DCDC1: variants seen among roughly 807,000 people sequenced by gnomAD.
DCDC1 encodes the protein doublecortin domain-containing protein 1.
DCDC1 carries 200 observed loss-of-function variants against 178.3 expected under a neutral mutation model. That is an observed-to-expected ratio of 1.12 (90% CI 1.00 to 1.26). The LOEUF is 1.26. Among genes scored for constraint, DCDC1 ranks in the 50% most tolerant of loss-of-function variants. The pLI, the probability that DCDC1 is intolerant of heterozygous loss-of-function variation, is 0.00. For missense variants in DCDC1, 1,983 were observed against 1,749.2 expected (o/e 1.13, Z -2.38); for synonymous variants, 690 against 604.8 (o/e 1.14, Z -2.07).
intron 3 of DCDC1, among the ~76,000 whole-genome samples, chr11:31,310,308 A>ATTTTTTTTTTTTTTTTTTTTTT (rs11407483): frequency 1.9e-5 from 1 of 53,862 alleles, no homozygotes; most frequent in African/African-American, 8.5e-5. Flanking sequence ...GTAATTCTTG[A>ATTTTTTTTTTTTTTTTTTTTTT]TTTTTTTTTT....
intron 9 of DCDC1, among the ~76,000 whole-genome samples, chr11:31,176,927 A>G (rs1184340685): frequency 3.3e-5 from 5 of 152,202 alleles, no homozygotes; most frequent in Non-Finnish European, 5.9e-5. Context: ...AAACAAAAGA[A>G]CAATAATTAC....
chr11:31,297,369 AT>A (rs919348542), intron 6 of DCDC1, among the ~76,000 whole-genome samples: 1 of 150,272 alleles, frequency 6.7e-6, no homozygotes, highest in Non-Finnish European at 1.5e-5. Flanking sequence ...TTTTTTTTTA[AT>A]TTTTTTTGAG....
At position 31,137,490 on chromosome 11, in the gene DCDC1, C is replaced by G. The variant is rs1963289282; in HGVS notation, c.1314+202G>C. Among the ~76,000 whole-genome samples, 4 of 151,994 alleles carry G rather than the reference C, an allele frequency of 2.6e-5. No homozygotes were observed. In the South Asian group the frequency reaches 8.3e-4, roughly 32 times the overall value. ...TCAGCCTCCTGAGTAGCTGGGATTACAGGCGCCCGCCACCACGCCCAGCTA... is the reference window on the plus strand; with the variant it reads ...TCAGCCTCCTGAGTAGCTGGGATTAGAGGCGCCCGCCACCACGCCCAGCTA... On this transcript the variant is annotated intron_variant, in intron 10 of 38. Transcript: ENST00000684477.
intron 1 of DCDC1, among the ~76,000 whole-genome samples, chr11:31,351,483 C>T (rs1951067441): frequency 6.6e-6 from 1 of 151,994 alleles, no homozygotes; most frequent in South Asian, 2.1e-4. Flanking sequence ...CCCCTTTTAG[C>T]AGGAGATACA....
At chr11:31,121,516 T>A (rs1028161684) in intron 11 of DCDC1, among the ~76,000 whole-genome samples, 4 of 150,242 alleles carry the variant, frequency 2.7e-5, no homozygotes, top group East Asian at 2.0e-4. Flanking sequence ...TAGTGTCCTT[T>A]TAAGAGGTGA....
chr11:31,222,045 AGTTTTTTGTTTT>A (rs1245413084), intron 9 of DCDC1, among the ~76,000 whole-genome samples: 2 of 151,956 alleles, frequency 1.3e-5, no homozygotes, highest in Admixed American at 6.6e-5. Context: ...CCTTTCCTCT[AGTTTTTTGTTTT>A]GTTTTTTGTT....
intron 17 of DCDC1, among the ~76,000 whole-genome samples, chr11:31,089,426 T>G (rs1239976459): frequency 1.3e-5 from 2 of 152,136 alleles, no homozygotes; most frequent in Non-Finnish European, 2.9e-5. Flanking sequence ...TCTTCATGCT[T>G]CTTGTGCTTG....
chr11:30,885,439 C>A (rs1943078562), intron 36 of DCDC1, among the ~76,000 whole-genome samples: 1 of 151,712 alleles, frequency 6.6e-6, no homozygotes, highest in Non-Finnish European at 1.5e-5. Flanking sequence ...TTTCTTACAA[C>A]AAATCTAATA....
chr11:31,321,353 C>T (rs1289939062), intron 3 of DCDC1, among the ~76,000 whole-genome samples: 4 of 130,554 alleles, frequency 3.1e-5, no homozygotes, highest in African/African-American at 5.9e-5. Context: ...GATATAGTCT[C>T]GTGGTGCGCC....
chr11:31,275,489 CGTTGTT>C (rs749933140), intron 7 of DCDC1, among the ~76,000 whole-genome samples: 2 of 152,004 alleles, frequency 1.3e-5, no homozygotes, highest in African/African-American at 2.4e-5. Flanking sequence ...TTTCTGTCGT[CGTTGTT>C]GTTGTTGTTT....
chr11:31,202,475 G>A (rs946784788), intron 9 of DCDC1, among the ~76,000 whole-genome samples: 1 of 152,112 alleles, frequency 6.6e-6, no homozygotes, highest in Admixed American at 6.5e-5. Flanking sequence ...GGAGGCTGAG[G>A]TGGGAGGATC....
At chr11:31,135,112 T>C (rs1006727883) in intron 10 of DCDC1, among the ~76,000 whole-genome samples, 1 of 152,230 alleles carries the variant, frequency 6.6e-6, no homozygotes, top group Non-Finnish European at 1.5e-5. Flanking sequence ...GAAAATTATG[T>C]GAAATGAAAC....
chr11:31,213,108 TC>T (rs1972878620), intron 9 of DCDC1, among the ~76,000 whole-genome samples: 1 of 26,380 alleles, frequency 3.8e-5, no homozygotes, highest in Non-Finnish European at 1.1e-4. Flanking sequence ...AGCCTCTCTC[TC>T]TCTCTCTCTC....
chr11:31,253,815 G>A (rs1333679578), intron 8 of DCDC1, among the ~76,000 whole-genome samples: 1 of 152,168 alleles, frequency 6.6e-6, no homozygotes. Flanking sequence ...ATAATACAGT[G>A]TATTCCATTA....
At chr11:31,323,863 C>T (rs1949507049) in intron 3 of DCDC1, among the ~76,000 whole-genome samples, 1 of 152,102 alleles carries the variant, frequency 6.6e-6, no homozygotes, top group African/African-American at 2.4e-5. Flanking sequence ...AAACTTCATC[C>T]TGCCCTTTCT....
intron 5 of DCDC1, 57 bp downstream of exon 5, chr11:31,306,175 T>C (rs1948443705): frequency 2.6e-5 from 35 of 1,372,402 alleles, no homozygotes; most frequent in Non-Finnish European, 3.3e-5. Flanking sequence ...TTTTTTATAT[T>C]ATAAAGAGAG....
intron 21 of DCDC1, among the ~76,000 whole-genome samples, chr11:30,935,011 G>A (rs550845674): frequency 9.8e-5 from 15 of 152,300 alleles, no homozygotes; most frequent in African/African-American, 3.6e-4. Flanking sequence ...ACCCTAGGGG[G>A]TAAACTTTCC....
chr11:31,353,221 A>G (rs1343396187), intron 1 of DCDC1, among the ~76,000 whole-genome samples: 1 of 152,246 alleles, frequency 6.6e-6, no homozygotes, highest in Admixed American at 6.5e-5. Context: ...TGGAAGCAAC[A>G]TAAATGAGAA....
At chr11:31,093,847 A>G (rs896371883) in intron 16 of DCDC1, among the ~76,000 whole-genome samples, 1 of 152,246 alleles carries the variant, frequency 6.6e-6, no homozygotes, top group African/African-American at 2.4e-5. Flanking sequence ...CATGTCTGAT[A>G]GTGAACTGAA....
Sources: allele counts gnomAD v4.1 joint callset (sites outside exome capture counted in the v4.1 genomes callset), GRCh38; gene constraint gnomAD v4.1.1; transcripts MANE v1.5; gene names NCBI Gene and HGNC (gene_info 2026-07-23, HGNC 2026-07-21).